Variants in SLC6A4 observed in about 807,000 individuals in gnomAD.
The protein encoded by SLC6A4 is solute carrier family 6 member 4.
SLC6A4 carries 22 observed loss-of-function variants against 73.4 expected under a neutral mutation model. The ratio of observed to expected loss-of-function variants is 0.30; its 90% CI spans 0.21 to 0.43. The LOEUF (loss-of-function observed/expected upper bound fraction) is 0.43, where lower values mean the gene tolerates loss of function less well. Among genes scored for constraint, SLC6A4 ranks in the 20% least tolerant of loss-of-function variants. SLC6A4 has a pLI of 1.00. For synonymous variants in SLC6A4, 270 were observed against 315.5 expected (o/e 0.86, Z 1.53); for missense variants, 593 against 808.5 (o/e 0.73, Z 3.23).
chr17:30,225,343 C>T (rs1906895752), intron 1 of SLC6A4, among the ~76,000 whole-genome samples: 1 of 152,146 alleles, frequency 6.6e-6, no homozygotes, highest in African/African-American at 2.4e-5. Flanking sequence ...CTGCAAGCTC[C>T]TGCCTGTGGA....
At chr17:30,205,814 T>A (rs1315804211) in intron 13 of SLC6A4, among the ~76,000 whole-genome samples, 1 of 152,168 alleles carries the variant, frequency 6.6e-6, no homozygotes, top group Non-Finnish European at 1.5e-5. Flanking sequence ...TTGTCCATCA[T>A]AGATAAGTTA....
rs1249710512 is a variant in SLC6A4, at chr17:30,235,159, T to TG, written c.-221+453dup. ...AGATTTCTCTAGCTGTCTGGGCATT[T>TG]GTGTCAACCAGAACTCTCCCTTTGC... On this transcript the variant is annotated intron_variant, in intron 1 of 14. Coordinates refer to ENST00000650711, the MANE Select transcript of SLC6A4 (RefSeq NM_001045.6). This position sits in a 1 kb window ranked among gnomAD's most constrained non-coding sequence, Gnocchi z 4.5. Among the ~76,000 whole-genome samples, 8 of 152,320 alleles carry TG rather than the reference T, an allele frequency of 5.3e-5. No individual in the cohort carries two copies. The highest frequency in any genetic ancestry group is 1.0e-4 in the Non-Finnish European group (7 of 68,018).
intron 1 of SLC6A4, among the ~76,000 whole-genome samples, chr17:30,228,380 A>G (rs1005815448): frequency 6.6e-6 from 1 of 152,242 alleles, no homozygotes; most frequent in Admixed American, 6.5e-5. Context: ...TGATGTCACT[A>G]TCACCACCAT....
rs202193339 is a variant in SLC6A4 at position 30,221,779 on chromosome 17, C to A, written c.180G>T (p.Arg60=). 5 of 1,614,020 alleles carry A rather than the reference C, an allele frequency of 3.1e-6. No individual in the cohort carries two copies. The African/African-American group carries it at 6.7e-5, about 22-fold the overall frequency. Residue 60 remains arginine (R), a synonymous_variant, in exon 3 of 15, where the codon CGG becomes CGT. Coordinates refer to ENST00000650711, the MANE Select transcript of SLC6A4 (RefSeq NM_001045.6). Reference sequence around the variant, plus strand: ...TGGTGGTGGTCGCTGGGATAGAGTGCCGTGTGTCATCTCCCGCACCAGGAC... The same window carrying A: ...TGGTGGTGGTCGCTGGGATAGAGTGACGTGTGTCATCTCCCGCACCAGGAC... ...VPSPGAGDDT[R]HSIPATTTTL...
intron 2 of SLC6A4, 32 bp from the exon 3 acceptor site, chr17:30,222,113 A>G (rs907019551): frequency 6.3e-6 from 9 of 1,439,854 alleles, no homozygotes; most frequent in Admixed American, 4.2e-5. Flanking sequence ...GAAGGAGAAA[A>G]AAGTTAGACA....
At position 30,222,054 on chromosome 17, in the gene SLC6A4, C is replaced by T. The variant is rs200120753; in HGVS notation, c.-96G>A. The T allele has an allele frequency of 3.8e-6, 6 of 1,589,846 alleles. No individual in the cohort carries two copies. Among genetic ancestry groups the T allele is most frequent in the African/African-American group, 2.7e-5 (2 of 74,064 alleles). ...TGTGGATCACCTCCGAGCTCTCTAT[C>T]GTCGGGATTGACACGTCGGGATTGA... On this transcript the variant is annotated 5_prime_UTR_variant, in exon 3 of 15. Transcript: ENST00000650711.
chr17:30,232,299 C>G (rs930628948), intron 1 of SLC6A4, among the ~76,000 whole-genome samples: 1 of 152,176 alleles, frequency 6.6e-6, no homozygotes, highest in African/African-American at 2.4e-5. Context: ...GAGAAGTGCT[C>G]GCCCAGATCA....
At position 30,198,353 on chromosome 17, in the gene SLC6A4, G is replaced by A. The variant is rs986759113; in HGVS notation, c.*103C>T. ...GTGGAGAAGGCCCTTCCATCATCAG[G>A]CTTAGCTGGAAACTCATTCACTTGG... On this transcript the variant is annotated 3_prime_UTR_variant, in exon 15 of 15. Transcript: ENST00000650711. 4.3e-6 allele frequency: 3 copies of A among 692,202 alleles called. No homozygotes were observed. Among genetic ancestry groups the A allele is most frequent in the Non-Finnish European group, 7.7e-6 (3 of 390,350 alleles). 42.9% of individuals were successfully genotyped at this position (692,202 alleles called of 1,614,324 possible). A position where few individuals can be genotyped will look rare whatever the true frequency, so the allele number is the denominator to read the frequency against.
intron 11 of SLC6A4, 127 bp from the exon 12 acceptor site, chr17:30,209,369 T>G: frequency 1.6e-6 from 1 of 613,224 alleles, no homozygotes. Context: ...CGAACGTGAG[T>G]ACCCCAGAAA....
At chr17:30,213,021 C>T (rs1463322871) in intron 8 of SLC6A4, among the ~76,000 whole-genome samples, 154 bp from the exon 9 acceptor site, 2 of 152,236 alleles carry the variant, frequency 1.3e-5, no homozygotes, top group Non-Finnish European at 2.9e-5. Flanking sequence ...CCCGGAGTCC[C>T]TTCGCCTTCT....
At position 30,195,139 on chromosome 17, in the gene SLC6A4, T is replaced by C. The variant is rs1905813651; in HGVS notation, c.*3317A>G. ...AGGTGACTGTTTTTGAAACACCTAA[T>C]GTAGAAACAATACTGAATTGATTTC... On this transcript the variant is annotated 3_prime_UTR_variant, in exon 15 of 15. Transcript: ENST00000650711. 2 of 152,210 alleles carry C rather than the reference T, an allele frequency of 1.3e-5. No individual in the cohort carries two copies. The highest frequency in any genetic ancestry group is 1.3e-4 in the Admixed American group (2 of 15,282). The allele number at this position is 152,210 out of a possible 1,614,324, so 9.4% of individuals were successfully genotyped here.
intron 5 of SLC6A4, 141 bp from the exon 6 acceptor site, chr17:30,217,445 G>C: frequency 1.3e-6 from 1 of 770,434 alleles, no homozygotes; most frequent in East Asian, 2.8e-5. Flanking sequence ...CCCAGGAAGA[G>C]CTGGGATTGG....
At chr17:30,227,058 CGT>C (rs1259317477) in intron 1 of SLC6A4, among the ~76,000 whole-genome samples, 13 of 152,164 alleles carry the variant, frequency 8.5e-5, no homozygotes, top group Non-Finnish European at 7.3e-5. Flanking sequence ...CTCGCCGCGG[CGT>C]GTTTAGATAG....
rs375503605 is a variant in SLC6A4, at chr17:30,221,882, A to G, written c.77T>C (p.Val26Ala). 12 of 1,613,336 alleles carry G rather than the reference A, an allele frequency of 7.4e-6. No individual in the cohort carries two copies. The African/African-American group carries it at 1.6e-4, about 22-fold the overall frequency. ...EDGEDCQENG[V>A]LQKVVPTPGD... ...TGGGGTGGGAACAACCTTCTGTAGA[A>G]CTCCGTTTTCCTGACAATCTTCTCC... The change falls in exon 3 of 15, where the codon GTT (valine) becomes GCT (alanine). Residue 26 changes from valine to alanine, a missense_variant. Coordinates refer to ENST00000650711, the MANE Select transcript of SLC6A4 (RefSeq NM_001045.6).
At position 30,230,113 on chromosome 17, in the gene SLC6A4, GGAA is replaced by G. The variant is rs1411141635; in HGVS notation, c.-221+5497_-221+5499del. Among the ~76,000 whole-genome samples the G allele has an allele frequency of 6.9e-3, 932 of 134,232 alleles. 13 individuals carry two copies. The highest frequency in any genetic ancestry group is 0.023 in the African/African-American group (710 of 31,546). 88.1% of individuals were successfully genotyped at this position (134,232 alleles called of 152,430 possible). A position where few individuals can be genotyped will look rare whatever the true frequency, so the allele number is the denominator to read the frequency against. On this transcript the variant is annotated intron_variant, in intron 1 of 14. Transcript: ENST00000650711. ...AAGAAGAAGAGGAGGAAGAGGAAGA[GGAA>G]GAGGAAGAGGAGGAGGAGGAGGAGG...
At chr17:30,222,554 C>T (rs1477163460) in intron 2 of SLC6A4, among the ~76,000 whole-genome samples, 1 of 152,188 alleles carries the variant, frequency 6.6e-6, no homozygotes, top group Non-Finnish European at 1.5e-5. Context: ...ATCATTTAAG[C>T]TGCACACCCA....
chr17:30,206,250 A>AAAAAAAACAC (rs1175707076), intron 13 of SLC6A4: 1 of 152,038 alleles, frequency 6.6e-6, no homozygotes, highest in East Asian at 1.9e-4. Context: ...ACAAAAAAAA[A>AAAAAAAACAC]AAAAAAAACA....
At chr17:30,226,446 T>C (rs553503012) in intron 1 of SLC6A4, among the ~76,000 whole-genome samples, 1 of 152,312 alleles carries the variant, frequency 6.6e-6, no homozygotes, top group Admixed American at 6.5e-5. Flanking sequence ...ACGCCTGTAA[T>C]CCCAGCACTT....
chr17:30,204,913 T>C (rs1026297709), intron 13 of SLC6A4, among the ~76,000 whole-genome samples: 6 of 151,890 alleles, frequency 4.0e-5, no homozygotes, highest in Admixed American at 2.0e-4. Flanking sequence ...GCATCAAGAG[T>C]GTACCCAGTC....
Sources: allele counts gnomAD v4.1 joint callset (sites outside exome capture counted in the v4.1 genomes callset), GRCh38; gene constraint gnomAD v4.1.1; non-coding constraint Gnocchi (gnomAD v3.1); transcripts MANE v1.5; gene names NCBI Gene and HGNC (gene_info 2026-07-23, HGNC 2026-07-21).